Variants in PTPRK observed in about 807,000 individuals in gnomAD.
The protein encoded by PTPRK is protein tyrosine phosphatase receptor type K.
Under a neutral mutation model 178.0 loss-of-function variants are expected in PTPRK, and 75 were observed. That is an observed-to-expected ratio of 0.42 (90% CI 0.35 to 0.51). The LOEUF (loss-of-function observed/expected upper bound fraction) is 0.51. Among genes scored for constraint, PTPRK ranks in the 20% least tolerant of loss-of-function variants. The pLI is 0.02. For synonymous variants in PTPRK, 637 were observed against 620.6 expected, an observed-to-expected ratio of 1.03 and a Z score of -0.39; for missense variants, 1,441 against 1,797.8, an observed-to-expected ratio of 0.80 and a Z score of 3.59.
chr6:128,080,539 G>C (rs940899725), intron 10 of PTPRK, among the ~76,000 whole-genome samples: 2 of 152,020 alleles, frequency 1.3e-5, no homozygotes, highest in Non-Finnish European at 2.9e-5. Flanking sequence ...ATTATTATCT[G>C]AGAGTTTTTT....
intron 10 of PTPRK, among the ~76,000 whole-genome samples, chr6:128,081,755 A>G (rs1389832917): frequency 9.2e-5 from 14 of 152,032 alleles, no homozygotes; most frequent in Admixed American, 9.2e-4. Context: ...ACTTTAGTAG[A>G]TTTAGGGCAT....
chr6:128,492,411 T>C (rs1288637445), intron 1 of PTPRK, among the ~76,000 whole-genome samples: 1 of 152,334 alleles, frequency 6.6e-6, no homozygotes, highest in Non-Finnish European at 1.5e-5. Flanking sequence ...AACTGCCTAC[T>C]CAAAATTTTC....
At chr6:128,223,808 A>G (rs1236760018) in intron 5 of PTPRK, among the ~76,000 whole-genome samples, 1 of 152,170 alleles carries the variant, frequency 6.6e-6, no homozygotes, top group Non-Finnish European at 1.5e-5. Flanking sequence ...AGCAGGACTA[A>G]AATTCAAAAC....
intron 13 of PTPRK, among the ~76,000 whole-genome samples, chr6:128,050,991 G>T (rs576982543): frequency 1.3e-5 from 2 of 152,264 alleles, no homozygotes; most frequent in East Asian, 3.9e-4. Context: ...CTGGTCTCTT[G>T]TTCCACATCT....
At chr6:128,011,700 CAG>C (rs1441907202) in intron 13 of PTPRK, among the ~76,000 whole-genome samples, 5 of 150,898 alleles carry the variant, frequency 3.3e-5, no homozygotes, top group Admixed American at 1.3e-4. Context: ...ATTTCAAACT[CAG>C]GGGATGAAGA....
chr6:128,268,624 C>G (rs1188347141), intron 3 of PTPRK, among the ~76,000 whole-genome samples: 1 of 151,908 alleles, frequency 6.6e-6, no homozygotes, highest in Admixed American at 6.6e-5. Context: ...AATCATTGTG[C>G]CCCAGTGAAC....
At chr6:128,282,822 A>G (rs565090874) in intron 3 of PTPRK, among the ~76,000 whole-genome samples, 39 of 152,320 alleles carry the variant, frequency 2.6e-4, no homozygotes, top group African/African-American at 9.1e-4. Flanking sequence ...AAAACAGTGT[A>G]CAAACATCAC....
At chr6:128,144,761 A>G (rs1293522363) in intron 7 of PTPRK, among the ~76,000 whole-genome samples, 2 of 152,178 alleles carry the variant, frequency 1.3e-5, no homozygotes, top group African/African-American at 4.8e-5. Flanking sequence ...CAAAGTAGGT[A>G]TTTAATAGTA....
At chr6:128,320,837 G>A (rs1828687277) in intron 3 of PTPRK, among the ~76,000 whole-genome samples, 1 of 152,112 alleles carries the variant, frequency 6.6e-6, no homozygotes, top group African/African-American at 2.4e-5. Context: ...CCCTCCTGGG[G>A]CTGTGGACCC....
At chr6:128,082,225 G>T (rs569556695) in intron 10 of PTPRK, among the ~76,000 whole-genome samples, 2 of 152,168 alleles carry the variant, frequency 1.3e-5, no homozygotes, top group Non-Finnish European at 2.9e-5. Context: ...TAAGACCACT[G>T]TCAATCAAAA....
rs1858869607 is a variant in PTPRK at position 128,520,350 on chromosome 6, C to A, written c.9G>T (p.Thr3=). 2.5e-6 allele frequency: 4 copies of A among 1,607,294 alleles called. No individual in the cohort carries two copies. The African/African-American group carries it at 5.3e-5, about 21-fold the overall frequency. Residue 3 remains threonine (T), a synonymous_variant, in exon 1 of 30, where the codon ACG becomes ACT. Transcript: ENST00000368226. ...AAGCAGGCAGCGCCGCCGCCGCAGT[C>A]GTATCCATGCCGAGTTTGGGAGAAG... MD[T]TAAAALPAFV...
chr6:128,218,252 A>G (rs752506403), intron 6 of PTPRK, among the ~76,000 whole-genome samples: 1 of 152,232 alleles, frequency 6.6e-6, no homozygotes, highest in Non-Finnish European at 1.5e-5. Flanking sequence ...TATCTCCAAT[A>G]TCTACAACCT....
At chr6:128,118,151 T>C (rs1360445533) in intron 7 of PTPRK, among the ~76,000 whole-genome samples, 3 of 152,170 alleles carry the variant, frequency 2.0e-5, no homozygotes, top group African/African-American at 7.2e-5. Flanking sequence ...ATAATAGTCA[T>C]AGTGACCTAT....
At chr6:128,190,833 C>T (rs1225209803) in intron 6 of PTPRK, among the ~76,000 whole-genome samples, 5 of 152,102 alleles carry the variant, frequency 3.3e-5, no homozygotes, top group Non-Finnish European at 7.4e-5. Flanking sequence ...ACTCAGGTGG[C>T]TCATAAGCTT....
chr6:128,228,934 A>G (rs1341656270), intron 5 of PTPRK, among the ~76,000 whole-genome samples: 6 of 152,186 alleles, frequency 3.9e-5, no homozygotes, highest in Non-Finnish European at 8.8e-5. Flanking sequence ...AAGTTACTCA[A>G]TTAAAGAAAA....
chr6:127,973,222 A>C, intron 28 of PTPRK, 65 bp from the exon 29 acceptor site: 1 of 1,584,972 alleles, frequency 6.3e-7, no homozygotes, highest in South Asian at 1.1e-5. Flanking sequence ...TCACACCATC[A>C]TATATGTTTG....
chr6:128,387,793 C>T (rs1160258941), intron 2 of PTPRK, among the ~76,000 whole-genome samples: 1 of 152,012 alleles, frequency 6.6e-6, no homozygotes, highest in African/African-American at 2.4e-5. Context: ...TAGGAAGATA[C>T]TGCATATGTA....
At chr6:128,118,566 A>T (rs1193148962) in intron 7 of PTPRK, among the ~76,000 whole-genome samples, 1 of 152,112 alleles carries the variant, frequency 6.6e-6, no homozygotes, top group Non-Finnish European at 1.5e-5. Context: ...TGACCTCTGA[A>T]TTTTTTTAAA....
intron 3 of PTPRK, among the ~76,000 whole-genome samples, chr6:128,256,305 T>C (rs1230525843): frequency 6.6e-6 from 1 of 152,090 alleles, no homozygotes; most frequent in African/African-American, 2.4e-5. Context: ...ACCCAGCACT[T>C]AGTGAGCACA....
Sources: gnomAD v4.1 joint callset for allele counts (sites outside exome capture counted in the v4.1 genomes callset) on GRCh38, gnomAD v4.1.1 for gene constraint, MANE v1.5 for transcripts, NCBI Gene and HGNC (gene_info 2026-07-23, HGNC 2026-07-21) for gene names.